Variants in PRKAR2A observed in about 807,000 individuals in gnomAD.
The protein encoded by PRKAR2A is cAMP-dependent protein kinase type II-alpha regulatory subunit.
PRKAR2A carries 29 observed loss-of-function variants against 51.9 expected under a neutral mutation model. The observed-to-expected ratio is 0.56, with a 90% CI of 0.42 to 0.76. PRKAR2A has a LOEUF of 0.76. Ranked by LOEUF, PRKAR2A falls within the 30% of genes least tolerant of loss-of-function variation. The pLI, the probability that PRKAR2A is intolerant of heterozygous loss-of-function variation, is 0.00. For synonymous variants in PRKAR2A, 178 were observed against 186.2 expected, an observed-to-expected ratio of 0.96 and a Z score of 0.36; for missense variants, 445 against 512.1, an observed-to-expected ratio of 0.87 and a Z score of 1.26.
intron 4 of PRKAR2A, among the ~76,000 whole-genome samples, chr3:48,786,124 T>C (rs887569145): frequency 6.6e-6 from 1 of 151,042 alleles, no homozygotes; most frequent in African/African-American, 2.4e-5. Context: ...TTTGGTTTTT[T>C]TTTGTTTTTT....
chr3:48,842,021 T>G (rs1313658147), intron 1 of PRKAR2A, among the ~76,000 whole-genome samples: 3 of 152,176 alleles, frequency 2.0e-5, no homozygotes, highest in Admixed American at 2.0e-4. Flanking sequence ...CCATTTTCAC[T>G]ATATTGATTC....
At position 48,830,078 on chromosome 3, in the gene PRKAR2A, C is replaced by T. The variant is rs182515023; in HGVS notation, c.262+17257G>A. ...ATTAGCCGGGCATGGTGGCACACAC[C>T]TGTAATCCCAACTGCTCGAGAGGCT... On this transcript the variant is annotated intron_variant, in intron 1 of 10. Transcript: ENST00000265563. 5.9e-5 allele frequency among the ~76,000 whole-genome samples: 9 copies of T among 151,282 alleles called. No homozygotes were observed. In the East Asian group the frequency reaches 1.6e-3, roughly 26 times the overall value.
intron 1 of PRKAR2A, among the ~76,000 whole-genome samples, chr3:48,808,238 G>A (rs1297509571): frequency 6.7e-6 from 1 of 148,442 alleles, no homozygotes; most frequent in East Asian, 2.0e-4. Flanking sequence ...TTAAGAGATG[G>A]GTTTTTTGTT....
chr3:48,795,779 T>C (rs1167318611), intron 2 of PRKAR2A, among the ~76,000 whole-genome samples: 2 of 151,764 alleles, frequency 1.3e-5, no homozygotes, highest in African/African-American at 4.8e-5. Context: ...TTGTGATCCA[T>C]CTGCCTTGGC....
chr3:48,765,397 C>G, intron 6 of PRKAR2A, 48 bp from the exon 7 acceptor site: 1 of 1,312,178 alleles, frequency 7.6e-7, no homozygotes, highest in East Asian at 2.3e-5. Flanking sequence ...TATACAGGAA[C>G]ATCTATGGTT....
intron 2 of PRKAR2A, among the ~76,000 whole-genome samples, chr3:48,797,491 C>A (rs540527710): frequency 6.6e-6 from 1 of 152,164 alleles, no homozygotes; most frequent in South Asian, 2.1e-4. Flanking sequence ...TACACCCCAG[C>A]TTCCCTTTCC....
At chr3:48,802,253 G>A (rs2082602481) in intron 2 of PRKAR2A, among the ~76,000 whole-genome samples, 1 of 152,060 alleles carries the variant, frequency 6.6e-6, no homozygotes, top group Non-Finnish European at 1.5e-5. Flanking sequence ...TGTTGGCCAG[G>A]CTGATCTCAA....
intron 8 of PRKAR2A, among the ~76,000 whole-genome samples, chr3:48,762,433 G>A (rs1329873979): frequency 1.3e-5 from 2 of 152,168 alleles, no homozygotes; most frequent in Admixed American, 6.6e-5. Context: ...AGGCCAGCCT[G>A]GCCAACATGG....
At chr3:48,745,527 G>GTTTTT (rs34668049), downstream of PRKAR2A, among the ~76,000 whole-genome samples, 7 of 70,422 alleles carry the variant, frequency 9.9e-5, no homozygotes, top group Admixed American at 2.0e-4. Flanking sequence ...TTTGGATAAG[G>GTTTTT]TTTTTTTTTT....
intron 1 of PRKAR2A, among the ~76,000 whole-genome samples, chr3:48,824,542 TAAGAAAGAAAGAAAGAAAGAAAGAAAGA>T (rs200913812): frequency 0.021 from 2,610 of 123,974 alleles, 94 homozygotes; most frequent in African/African-American, 0.074. Flanking sequence ...TCCAAAATCA[TAAGAAAGAAAGAAAGAAAGAAAGAAAGA>T]AAGAAAGAAA....
intron 1 of PRKAR2A, among the ~76,000 whole-genome samples, chr3:48,846,631 T>C (rs111855484): frequency 5.3e-5 from 8 of 152,214 alleles, no homozygotes; most frequent in African/African-American, 1.7e-4. Flanking sequence ...GTATAGACTA[T>C]AGGGGCCCAC....
At chr3:48,770,532 G>GT (rs2082014543) in intron 6 of PRKAR2A, among the ~76,000 whole-genome samples, 1 of 152,164 alleles carries the variant, frequency 6.6e-6, no homozygotes, top group Non-Finnish European at 1.5e-5. Context: ...CCTTCTGTGA[G>GT]TTACTTTCCT....
In PRKAR2A at chr3:48,784,626, AT is replaced by A. The variant is rs1423030854; in HGVS notation, c.436-1535del. On this transcript the variant is annotated intron_variant, in intron 4 of 10. Transcript: ENST00000265563. ...CTTCTAGTCTGGACTCTTCAAACAC[AT>A]GTGTCATGAGATATAGAATAACAGG... 2.6e-5 allele frequency among the ~76,000 whole-genome samples: 4 copies of A among 152,188 alleles called. No individual in the cohort carries two copies. The East Asian group carries it at 7.7e-4, about 29-fold the overall frequency.
At chr3:48,820,108 C>T (rs2082938529) in intron 1 of PRKAR2A, among the ~76,000 whole-genome samples, 1 of 152,176 alleles carries the variant, frequency 6.6e-6, no homozygotes, top group African/African-American at 2.4e-5. Context: ...TGACCCAACC[C>T]AAGCCATTCC....
At chr3:48,757,691 G>T (rs1303551437) in intron 8 of PRKAR2A, among the ~76,000 whole-genome samples, 1 of 152,180 alleles carries the variant, frequency 6.6e-6, no homozygotes, top group East Asian at 1.9e-4. Flanking sequence ...GGGAGGCTGA[G>T]GGGGGTGGAT....
At chr3:48,746,405 C>A (rs2081562725), downstream of PRKAR2A, among the ~76,000 whole-genome samples, 1 of 151,232 alleles carries the variant, frequency 6.6e-6, no homozygotes, top group South Asian at 2.1e-4. Context: ...ACACACACAC[C>A]CTACTGACTG....
At chr3:48,791,240 T>C (rs1275768399) in intron 3 of PRKAR2A, among the ~76,000 whole-genome samples, 2 of 131,780 alleles carry the variant, frequency 1.5e-5, no homozygotes, top group African/African-American at 5.9e-5. Flanking sequence ...TGAGCCAAGA[T>C]TGTGCCACTG....
At chr3:48,785,277 T>C (rs2082270448) in intron 4 of PRKAR2A, among the ~76,000 whole-genome samples, 1 of 150,620 alleles carries the variant, frequency 6.6e-6, no homozygotes, top group Admixed American at 6.6e-5. Flanking sequence ...TTTTTTTTTT[T>C]TGAGACAGAG....
At chr3:48,842,959 C>T (rs1260056487) in intron 1 of PRKAR2A, among the ~76,000 whole-genome samples, 7 of 152,012 alleles carry the variant, frequency 4.6e-5, no homozygotes, top group Non-Finnish European at 8.8e-5. Flanking sequence ...CCCTCTTTTT[C>T]CATTGATTGG....
Sources: allele counts gnomAD v4.1 joint callset (sites outside exome capture counted in the v4.1 genomes callset), GRCh38; gene constraint gnomAD v4.1.1; transcripts MANE v1.5; gene names NCBI Gene and HGNC (gene_info 2026-07-23, HGNC 2026-07-21).